The following DOHH variants were observed in gnomAD, a reference collection of about 807,000 sequenced individuals.
DOHH encodes deoxyhypusine hydroxylase.
A neutral mutation model predicts 19.9 loss-of-function variants in DOHH; 16 were observed. The ratio of observed to expected loss-of-function variants is 0.80; its 90% CI spans 0.54 to 1.22. The LOEUF is 1.22. Ranked by LOEUF, DOHH falls within the 50% of genes most tolerant of loss-of-function variation. The pLI is 0.00. For synonymous variants in DOHH, 233 were observed against 217.0 expected, an observed-to-expected ratio of 1.07 and a Z score of -0.65; for missense variants, 460 against 460.6, an observed-to-expected ratio of 1.00 and a Z score of 0.01.
chr19:3,494,036 C>T lies in DOHH; in HGVS notation c.343G>A (p.Val115Ile). 1.2e-6 allele frequency: 2 copies of T among 1,613,074 alleles called. No individual in the cohort carries two copies. Among genetic ancestry groups the T allele is most frequent in the South Asian group, 1.1e-5 (1 of 90,956 alleles). The change falls in exon 3 of 5, where the codon GTC becomes ATC. Residue 115 changes from valine (V) to isoleucine (I), a missense_variant. Transcript: ENST00000427575. Reference protein sequence around the residue: ...EILKQYSSDPVIEVAETCQLA... With the variant: ...EILKQYSSDPIIEVAETCQLA... The stretch of plus-strand genomic sequence containing the variant: ...AGCAGGGGCCTGGTTACCTCGATGA[C>T]GGGGTCCGAGGAATACTGCTTCAGG...
chr19:3,497,250 ACT>A (rs1243328762), intron 1 of DOHH, among the ~76,000 whole-genome samples: 2 of 152,038 alleles, frequency 1.3e-5, no homozygotes, highest in African/African-American at 4.8e-5. Flanking sequence ...GTCCTCTCCC[ACT>A]CTGAACAGGG....
In DOHH at chr19:3,494,360, G is replaced by A. The variant is rs192830126; in HGVS notation, c.275-256C>T. Reference sequence around the variant, plus strand: ...AGCAAAATGGACCCCATCCCGGCCCGTACCATGAGACAGGGAGACAAGTAT... The same window carrying A: ...AGCAAAATGGACCCCATCCCGGCCCATACCATGAGACAGGGAGACAAGTAT... On this transcript the variant is annotated intron_variant, in intron 2 of 4. Transcript: ENST00000427575. Among the ~76,000 whole-genome samples the A allele has an allele frequency of 2.3e-3, 354 of 152,284 alleles. 4 individuals are homozygous for A. The highest frequency in any genetic ancestry group is 7.6e-3 in the African/African-American group (314 of 41,556).
In DOHH at chr19:3,494,017, G is replaced by T. The variant is rs375620572; in HGVS notation, c.351+11C>A. ...CGAGACTGGCAGGGAGACAAGCAGG[G>T]GCCTGGTTACCTCGATGACGGGGTC... On this transcript the variant is annotated intron_variant, in intron 3 of 4. Coordinates refer to ENST00000427575, the MANE Select transcript of DOHH (RefSeq NM_001145165.2). The T allele has an allele frequency of 6.2e-7, 1 of 1,611,676 alleles. No homozygotes were observed. The highest frequency in any genetic ancestry group is 8.5e-7 in the Non-Finnish European group (1 of 1,178,766).
chr19:3,493,195 TA>T (rs1444279245), intron 3 of DOHH, among the ~76,000 whole-genome samples: 1 of 152,238 alleles, frequency 6.6e-6, no homozygotes, highest in Non-Finnish European at 1.5e-5. Context: ...CTCATGCCCC[TA>T]ATCCCAGCAG....
intron 1 of DOHH, 64 bp downstream of exon 1, chr19:3,500,497 C>A (rs1391682340): frequency 6.6e-6 from 1 of 152,274 alleles, no homozygotes; most frequent in Non-Finnish European, 1.5e-5. Flanking sequence ...ACGAGGCGCT[C>A]CCGGTGCCAC....
At chr19:3,499,032 CTT>C (rs1225655993) in intron 1 of DOHH, among the ~76,000 whole-genome samples, 1 of 152,174 alleles carries the variant, frequency 6.6e-6, no homozygotes, top group African/African-American at 2.4e-5. Flanking sequence ...CTCTGGAAAA[CTT>C]TGTCATTTTG....
At chr19:3,493,717 G>T (rs1041968185) in intron 3 of DOHH, among the ~76,000 whole-genome samples, 2 of 152,176 alleles carry the variant, frequency 1.3e-5, no homozygotes, top group African/African-American at 4.8e-5. Flanking sequence ...GGTTCAGAGG[G>T]GTCTTGGCAG....
chr19:3,496,735 G>T lies in DOHH; in HGVS notation c.80C>A (p.Ala27Glu). 6.2e-7 allele frequency: 1 copy of T among 1,612,128 alleles called. No homozygotes were observed. ...GCCGAGCCCACGCAGCGTGAACAGC[G>T]CCCGGAAGCGGGCCTGCAGGGGCTG... is the stretch of plus-strand genomic sequence containing the variant. ...PKQPLQARFR[A>E]LFTLRGLGGP... Residue 27 changes from alanine (A) to glutamate (E), a missense_variant, in exon 2 of 5, where the codon GCG (alanine) becomes GAG (glutamate). Coordinates refer to ENST00000427575, the MANE Select transcript of DOHH (RefSeq NM_001145165.2). This position sits in a 1 kb window ranked among gnomAD's most constrained non-coding sequence, Gnocchi z 4.8.
chr19:3,495,420 G>A lies in DOHH; in HGVS notation c.274+1121C>T, dbSNP rs897294166. ...GCCTCCTGAGTAGTTGGGACCACAC[G>A]CGTGAGCCACGATGCCCGGCTTGTA... On this transcript the variant is annotated intron_variant, in intron 2 of 4. Transcript: ENST00000427575. 6.6e-5 allele frequency among the ~76,000 whole-genome samples: 10 copies of A among 152,314 alleles called. No individual in the cohort carries two copies. In the South Asian group the frequency reaches 2.1e-3, roughly 32 times the overall value.
chr19:3,495,866 AC>A (rs113650056), intron 2 of DOHH, among the ~76,000 whole-genome samples: 7,854 of 151,982 alleles, frequency 0.052, 421 homozygotes, highest in South Asian at 0.13. Flanking sequence ...CCAAGACGGC[AC>A]CACAGTACCC....
chr19:3,491,105 T>C lies in DOHH; in HGVS notation c.*387A>G, dbSNP rs1034751326. On this transcript the variant is annotated 3_prime_UTR_variant, in exon 5 of 5. Coordinates refer to ENST00000427575, the MANE Select transcript of DOHH (RefSeq NM_001145165.2). The surrounding 1 kb of genome is among the most constrained non-coding windows in gnomAD (Gnocchi z 5.6). ...GATCCTCCCTTGGCTTCCCTCGCGATCCTCCCCTGGCTTCCCTCGCGATCC... is the reference window on the plus strand; with the variant it reads ...GATCCTCCCTTGGCTTCCCTCGCGACCCTCCCCTGGCTTCCCTCGCGATCC... 3.6e-6 allele frequency: 1 copy of C among 280,976 alleles called. No homozygotes were observed. The highest frequency in any genetic ancestry group is 2.4e-5 in the African/African-American group (1 of 41,718). The allele number at this position is 280,976 out of a possible 1,614,324, so 17.4% of individuals were successfully genotyped here.
intron 1 of DOHH, among the ~76,000 whole-genome samples, chr19:3,497,097 G>A (rs975379051): frequency 6.6e-6 from 1 of 152,136 alleles, no homozygotes; most frequent in African/African-American, 2.4e-5. Flanking sequence ...CTCGCCTATA[G>A]GCCTATCAGA....
chr19:3,500,548 C>G lies in DOHH; in HGVS notation c.-73+13G>C, dbSNP rs938358110. 2 of 152,254 alleles carry G rather than the reference C, an allele frequency of 1.3e-5. No individual in the cohort carries two copies. Among genetic ancestry groups the G allele is most frequent in the African/African-American group, 4.8e-5 (2 of 41,470 alleles). 9.4% of individuals were successfully genotyped at this position (152,254 alleles called of 1,614,324 possible). A position where few individuals can be genotyped will look rare whatever the true frequency, so the allele number is the denominator to read the frequency against. ...GGCCCCACACCGTGATCGCCGCCTC[C>G]GGGACGCCTCACCGAGCTCTGGAGA... On this transcript the variant is annotated intron_variant, in intron 1 of 4. Coordinates refer to ENST00000427575, the MANE Select transcript of DOHH (RefSeq NM_001145165.2).
rs1012180533 is a variant in DOHH, at chr19:3,496,074, C to T, written c.274+467G>A. On this transcript the variant is annotated intron_variant, in intron 2 of 4. Transcript: ENST00000427575. The surrounding 1 kb of genome is among the most constrained non-coding windows in gnomAD (Gnocchi z 4.8). ...TTGCCCAGGCTGGAGTGCGGTGGCA[C>T]GATCATGGCTCACTGCAACCTTGAC... Among the ~76,000 whole-genome samples the T allele has an allele frequency of 2.6e-5, 4 of 152,054 alleles. No individual in the cohort carries two copies. Among genetic ancestry groups the T allele is most frequent in the South Asian group, 2.1e-4 (1 of 4,824 alleles).
At chr19:3,494,300 G>A (rs1808827055) in intron 2 of DOHH, among the ~76,000 whole-genome samples, 196 bp from the exon 3 acceptor site, 1 of 152,160 alleles carries the variant, frequency 6.6e-6, no homozygotes, top group South Asian at 2.1e-4. Context: ...CCCAGAGCAA[G>A]GCACTGCCTG....
intron 3 of DOHH, 128 bp from the exon 4 acceptor site, chr19:3,492,627 C>T (rs984771681): frequency 3.6e-5 from 28 of 776,686 alleles, no homozygotes; most frequent in Non-Finnish European, 5.2e-5. Context: ...TCATTCCAGG[C>T]AGGAAGTAAG....
chr19:3,493,525 G>A (rs569739428), intron 3 of DOHH, among the ~76,000 whole-genome samples: 2 of 151,542 alleles, frequency 1.3e-5, no homozygotes, highest in South Asian at 2.1e-4. Flanking sequence ...CAGGAGAATA[G>A]CATGAACCTG....
chr19:3,494,149 G>T, intron 2 of DOHH, 45 bp from the exon 3 acceptor site: 1 of 1,562,538 alleles, frequency 6.4e-7, no homozygotes, highest in Non-Finnish European at 8.8e-7. Context: ...GGGTGGATGT[G>T]TGGAAAATGC....
intron 3 of DOHH, among the ~76,000 whole-genome samples, chr19:3,492,960 A>AC (rs1233689023): frequency 6.6e-6 from 1 of 152,094 alleles, no homozygotes; most frequent in East Asian, 1.9e-4. Flanking sequence ...TGTCACACGT[A>AC]CCCCCGGCTG....
Sources: gnomAD v4.1 joint callset for allele counts (sites outside exome capture counted in the v4.1 genomes callset) on GRCh38, gnomAD v4.1.1 for gene constraint, Gnocchi (gnomAD v3.1) non-coding constraint, MANE v1.5 for transcripts, NCBI Gene and HGNC (gene_info 2026-07-23, HGNC 2026-07-21) for gene names.